Variants in ALKBH1 observed in about 807,000 individuals in gnomAD.
ALKBH1 encodes the protein alkB homolog 1, histone H2A dioxygenase.
ALKBH1 carries 31 observed loss-of-function variants against 36.6 expected under a neutral mutation model. The observed-to-expected ratio is 0.85, with a 90% CI of 0.64 to 1.14. ALKBH1 has a LOEUF of 1.14. Ranked by LOEUF, ALKBH1 falls within the 50% of genes most tolerant of loss-of-function variation. The pLI, the probability that ALKBH1 is intolerant of heterozygous loss-of-function variation, is 0.00. For missense variants in ALKBH1, 490 were observed against 497.3 expected (o/e 0.99, Z 0.14); for synonymous variants, 183 against 186.6 (o/e 0.98, Z 0.16).
At chr14:77,679,256 A>AAAAAAG (rs905400673) in intron 4 of ALKBH1, among the ~76,000 whole-genome samples, 2 of 149,782 alleles carry the variant, frequency 1.3e-5, no homozygotes, top group Non-Finnish European at 2.9e-5. Flanking sequence ...TAAAAATTAA[A>AAAAAAG]AAAAAGAAAA....
chr14:77,677,870 T>A (rs752888460), intron 4 of ALKBH1, among the ~76,000 whole-genome samples: 3 of 152,198 alleles, frequency 2.0e-5, no homozygotes, highest in African/African-American at 4.8e-5. Flanking sequence ...TAGCTGTAGA[T>A]AGCCTCTGCT....
intron 3 of ALKBH1, among the ~76,000 whole-genome samples, chr14:77,684,287 C>T (rs2080255459): frequency 6.6e-6 from 1 of 152,218 alleles, no homozygotes; most frequent in Admixed American, 6.5e-5. Context: ...TTGAAAACCA[C>T]TATTCTAGCC....
chr14:77,703,782 G>C (rs1404670675), intron 2 of ALKBH1, among the ~76,000 whole-genome samples: 8 of 151,890 alleles, frequency 5.3e-5, no homozygotes, highest in Admixed American at 5.2e-4. Flanking sequence ...ATTTTTAGTA[G>C]AGACGGGATT....
chr14:77,674,272 T>G, intron 5 of ALKBH1, 31 bp from the exon 6 acceptor site: 1 of 1,502,916 alleles, frequency 6.7e-7, no homozygotes, highest in Non-Finnish European at 8.9e-7. Flanking sequence ...CACACAACAA[T>G]AAAAAAGTAT....
At chr14:77,691,258 T>A (rs2080295701) in intron 3 of ALKBH1, among the ~76,000 whole-genome samples, 1 of 152,210 alleles carries the variant, frequency 6.6e-6, no homozygotes, top group African/African-American at 2.4e-5. Flanking sequence ...TTCAAGTATT[T>A]CTTCTTCATT....
At chr14:77,692,132 T>TA (rs2080300430) in intron 3 of ALKBH1, 1 of 152,236 alleles carries the variant, frequency 6.6e-6, no homozygotes, top group Non-Finnish European at 1.5e-5. Context: ...ACAAAGTTGG[T>TA]AAAATGGTTT....
intron 3 of ALKBH1, among the ~76,000 whole-genome samples, chr14:77,686,881 CAA>C (rs2080271211): frequency 6.6e-6 from 1 of 152,210 alleles, no homozygotes; most frequent in Non-Finnish European, 1.5e-5. Context: ...CTTTGCCTCC[CAA>C]AGTGCTGGGA....
intron 3 of ALKBH1, among the ~76,000 whole-genome samples, chr14:77,692,993 G>A (rs761209347): frequency 6.6e-6 from 1 of 151,504 alleles, no homozygotes; most frequent in African/African-American, 2.4e-5. Flanking sequence ...ATCACCTGAG[G>A]TCGGGAGTTC....
chr14:77,689,255 C>T (rs542217318), intron 3 of ALKBH1, among the ~76,000 whole-genome samples: 5 of 152,274 alleles, frequency 3.3e-5, no homozygotes, highest in East Asian at 3.9e-4. Context: ...TTTCCTATAT[C>T]GTGCCCCCAA....
chr14:77,693,968 C>CA (rs1566815817), intron 3 of ALKBH1, among the ~76,000 whole-genome samples: 4 of 152,160 alleles, frequency 2.6e-5, no homozygotes. Flanking sequence ...GCCTGGGTGA[C>CA]AGAGTGAGAC....
At chr14:77,679,994 G>A (rs780054813) in intron 3 of ALKBH1, 24 bp from the exon 4 acceptor site, 1 of 1,586,614 alleles carries the variant, frequency 6.3e-7, no homozygotes, top group South Asian at 1.1e-5. Context: ...TGACAAAAGA[G>A]GAATTATTCA....
chr14:77,681,209 T>G (rs1459629668), intron 3 of ALKBH1, among the ~76,000 whole-genome samples: 1 of 151,998 alleles, frequency 6.6e-6, no homozygotes, highest in Non-Finnish European at 1.5e-5. Flanking sequence ...AAGGAGAAAT[T>G]AGAGGGAAAC....
In ALKBH1 at chr14:77,675,166, C is replaced by G. The variant is rs545041645; in HGVS notation, c.740+490G>C. Among the ~76,000 whole-genome samples the G allele has an allele frequency of 2.6e-4, 39 of 152,228 alleles. No individual in the cohort carries two copies. The South Asian group carries it at 6.0e-3, about 23-fold the overall frequency. Reference sequence around the variant, plus strand: ...GGTAGGTTACGGCCAGGTGCAGTGGCTCATGCCTGTAATCTCAGCACTTCG... The same window carrying G: ...GGTAGGTTACGGCCAGGTGCAGTGGGTCATGCCTGTAATCTCAGCACTTCG... On this transcript the variant is annotated intron_variant, in intron 5 of 5. Coordinates refer to ENST00000216489, the MANE Select transcript of ALKBH1 (RefSeq NM_006020.3).
At chr14:77,689,855 A>C (rs2080287871) in intron 3 of ALKBH1, among the ~76,000 whole-genome samples, 1 of 152,160 alleles carries the variant, frequency 6.6e-6, no homozygotes, top group Non-Finnish European at 1.5e-5. Context: ...TTAAAAAAAA[A>C]ATCAAGCAAA....
At chr14:77,697,062 T>C (rs142639351) in intron 2 of ALKBH1, 3 of 184,176 alleles carry the variant, frequency 1.6e-5, no homozygotes, top group Admixed American at 1.1e-4. Context: ...CCAGAAGAGG[T>C]AGCAAAGCTT....
intron 2 of ALKBH1, among the ~76,000 whole-genome samples, chr14:77,701,372 A>G (rs1192992205): frequency 1.3e-5 from 2 of 152,236 alleles, no homozygotes; most frequent in Non-Finnish European, 2.9e-5. Flanking sequence ...AAACTTGCCC[A>G]AAGTCTTACA....
intron 3 of ALKBH1, among the ~76,000 whole-genome samples, chr14:77,690,591 G>A (rs975303879): frequency 1.3e-5 from 2 of 152,198 alleles, no homozygotes; most frequent in African/African-American, 4.8e-5. Flanking sequence ...TGGAGATGGT[G>A]AGAAATGACT....
intron 2 of ALKBH1, among the ~76,000 whole-genome samples, chr14:77,700,238 A>C (rs2080352236): frequency 6.6e-6 from 1 of 152,204 alleles, no homozygotes; most frequent in Non-Finnish European, 1.5e-5. Context: ...AGATTCCTCT[A>C]CTGTACTAAA....
At chr14:77,683,147 GTCTTTT>G (rs751271634) in intron 3 of ALKBH1, 1 of 464,716 alleles carries the variant, frequency 2.2e-6, no homozygotes, top group Non-Finnish European at 3.8e-6. Flanking sequence ...AAGCTGTAAA[GTCTTTT>G]TTTTTTTTTT....
Sources: allele counts gnomAD v4.1 joint callset (sites outside exome capture counted in the v4.1 genomes callset), GRCh38; gene constraint gnomAD v4.1.1; transcripts MANE v1.5; gene names NCBI Gene and HGNC (gene_info 2026-07-23, HGNC 2026-07-21).